The following AMD1 variants were observed in gnomAD, a reference collection of about 807,000 sequenced individuals.
The protein encoded by AMD1 is S-adenosylmethionine decarboxylase proenzyme.
A neutral mutation model predicts 40.2 loss-of-function variants in AMD1; 11 were observed. The observed-to-expected ratio is 0.27, with a 90% CI of 0.17 to 0.45. The LOEUF (loss-of-function observed/expected upper bound fraction) is 0.45. Among genes scored for constraint, AMD1 ranks in the 20% least tolerant of loss-of-function variants. The pLI is 1.00. For missense variants in AMD1, 257 were observed against 410.2 expected (o/e 0.63, Z 3.23); for synonymous variants, 121 against 130.8 (o/e 0.93, Z 0.51).
At chr6:110,856,137 G>A in the AMD1 span, among the ~76,000 whole-genome samples, 1 of 151,896 alleles carries the variant, frequency 6.6e-6, no homozygotes, top group East Asian at 1.9e-4. Context: ...CAGAGGGGAA[G>A]ATCACAGATC....
the AMD1 span, among the ~76,000 whole-genome samples, chr6:110,831,610 A>G: frequency 6.6e-6 from 1 of 151,986 alleles, no homozygotes; most frequent in Non-Finnish European, 1.5e-5. Flanking sequence ...GACTCTCATT[A>G]GTCAAAGGTT....
the AMD1 span, among the ~76,000 whole-genome samples, chr6:110,849,968 T>C: frequency 2.7e-4 from 41 of 150,778 alleles, no homozygotes; most frequent in Admixed American, 2.7e-3. Flanking sequence ...GAGGCTGCAG[T>C]GAGCTGTGAT....
intron 1 of AMD1, among the ~76,000 whole-genome samples, chr6:110,883,716 C>G (rs1482717216): frequency 1.3e-5 from 2 of 152,126 alleles, no homozygotes; most frequent in Non-Finnish European, 2.9e-5. Context: ...CGCAGCCACC[C>G]AAGTAGCTGG....
the AMD1 span, among the ~76,000 whole-genome samples, chr6:110,854,775 GA>G: frequency 2.6e-5 from 4 of 151,822 alleles, no homozygotes; most frequent in African/African-American, 9.7e-5. Context: ...ACATTCTCTG[GA>G]AAAAAATTCG....
At chr6:110,850,079 G>C in the AMD1 span, among the ~76,000 whole-genome samples, 1 of 148,832 alleles carries the variant, frequency 6.7e-6, no homozygotes. Context: ...TCAAAGAATA[G>C]AGACCCAGAG....
At chr6:110,833,333 G>A in the AMD1 span, among the ~76,000 whole-genome samples, 2 of 152,210 alleles carry the variant, frequency 1.3e-5, no homozygotes, top group African/African-American at 4.8e-5. Context: ...TGATAGAATT[G>A]GGATATAGCA....
the AMD1 span, among the ~76,000 whole-genome samples, chr6:110,855,974 G>C: frequency 2.6e-5 from 4 of 152,122 alleles, no homozygotes; most frequent in African/African-American, 4.8e-5. Flanking sequence ...CAGCTACTCC[G>C]GAGGCTGCGG....
the AMD1 span, chr6:110,858,239 A>C: frequency 4.5e-5 from 42 of 923,310 alleles, no homozygotes; most frequent in Non-Finnish European, 6.2e-5. Context: ...CGCGCCAGCC[A>C]TGAGCTCCAC....
upstream of AMD1, chr6:110,874,741 G>C (rs706940): frequency 9.1e-3 from 1,529 of 167,432 alleles, 22 homozygotes; most frequent in African/African-American, 0.034. Flanking sequence ...TGGTCTTTTG[G>C]GGGGAGCCGG....
At chr6:110,875,321 C>A in intron 1 of AMD1, 106 bp downstream of exon 1, 2 of 943,304 alleles carry the variant, frequency 2.1e-6, no homozygotes, top group Non-Finnish European at 3.3e-6. Flanking sequence ...CAGTTGGGGG[C>A]AAGTCTGCGG....
At chr6:110,890,174 T>C (rs1171691242) in intron 3 of AMD1, 80 bp from the exon 4 acceptor site, 3 of 1,077,376 alleles carry the variant, frequency 2.8e-6, no homozygotes, top group Non-Finnish European at 4.0e-6. Context: ...ATGTGGACAA[T>C]AGTTGATTAG....
At chr6:110,880,583 C>T (rs1057471826) in intron 1 of AMD1, among the ~76,000 whole-genome samples, 2 of 152,188 alleles carry the variant, frequency 1.3e-5, no homozygotes, top group Admixed American at 6.5e-5. Context: ...ATGTGGACAT[C>T]CATTTTTTCC....
At chr6:110,882,616 C>T (rs1303778295) in intron 1 of AMD1, among the ~76,000 whole-genome samples, 1 of 152,064 alleles carries the variant, frequency 6.6e-6, no homozygotes, top group African/African-American at 2.4e-5. Flanking sequence ...CTATTTTGCC[C>T]TCTGATTTAT....
At chr6:110,841,085 C>A in the AMD1 span, among the ~76,000 whole-genome samples, 2 of 152,188 alleles carry the variant, frequency 1.3e-5, no homozygotes, top group East Asian at 3.9e-4. Flanking sequence ...ACGATCTCAG[C>A]TCACCGCAAC....
At chr6:110,844,787 A>G in the AMD1 span, among the ~76,000 whole-genome samples, 1 of 151,566 alleles carries the variant, frequency 6.6e-6, no homozygotes, top group Non-Finnish European at 1.5e-5. Flanking sequence ...ATTTCAGAAA[A>G]AAAAAAGAAA....
Position 110,892,153 on chromosome 6 carries a change from C to T in AMD1, c.428-8C>T, listed in dbSNP as rs920076529. ...TTATATTTATTTTGCGTTCTCTTCCCTCAACAGATGGAGCAGCATATTGTA... is the reference window on the plus strand; with the variant it reads ...TTATATTTATTTTGCGTTCTCTTCCTTCAACAGATGGAGCAGCATATTGTA... On this transcript the variant is annotated splice_polypyrimidine_tract_variant and splice_region_variant and intron_variant, in intron 4 of 8. Transcript: ENST00000368885. The T allele has an allele frequency of 1.2e-6, 2 of 1,613,428 alleles. No homozygotes were observed. Among genetic ancestry groups the T allele is most frequent in the South Asian group, 1.1e-5 (1 of 91,040 alleles).
At chr6:110,842,174 G>A in the AMD1 span, among the ~76,000 whole-genome samples, 109 of 152,274 alleles carry the variant, frequency 7.2e-4, no homozygotes, top group Non-Finnish European at 1.0e-3. Context: ...AGACAAGAGA[G>A]TGTTCATGAG....
chr6:110,856,316 CCT>C, the AMD1 span: 1 of 152,150 alleles, frequency 6.6e-6, no homozygotes, highest in East Asian at 1.9e-4. Context: ...GGCTGCCACT[CCT>C]CACACTACCT....
the AMD1 span, among the ~76,000 whole-genome samples, chr6:110,821,421 C>CTAGTCAACA: frequency 1.3e-5 from 2 of 152,072 alleles, no homozygotes; most frequent in African/African-American, 4.8e-5. Flanking sequence ...AGAGACCACC[C>CTAGTCAACA]TAGTCAACAT....
Sources: gnomAD v4.1 joint callset for allele counts (sites outside exome capture counted in the v4.1 genomes callset) on GRCh38, gnomAD v4.1.1 for gene constraint, MANE v1.5 for transcripts, NCBI Gene and HGNC (gene_info 2026-07-23, HGNC 2026-07-21) for gene names.